SDK2: variants seen among roughly 807,000 people sequenced by gnomAD.
The protein encoded by SDK2 is sidekick cell adhesion molecule 2.
In SDK2, 105 loss-of-function variants were observed where a neutral mutation model predicts 253.9. The ratio of observed to expected loss-of-function variants is 0.41; its 90% CI spans 0.35 to 0.49. The LOEUF is 0.49. Among genes scored for constraint, SDK2 ranks in the 20% least tolerant of loss-of-function variants. SDK2 has a pLI of 0.06. For synonymous variants in SDK2, 1,249 were observed against 1,234.9 expected, an observed-to-expected ratio of 1.01 and a Z score of -0.24; for missense variants, 2,608 against 3,003.0, an observed-to-expected ratio of 0.87 and a Z score of 3.07.
In SDK2 at chr17:73,616,065, ATAC is replaced by A. The variant is rs1179851281; in HGVS notation, c.64+27957_64+27959del. Among the ~76,000 whole-genome samples, 3 of 152,284 alleles carry A rather than the reference ATAC, an allele frequency of 2.0e-5. No homozygotes were observed. The highest frequency in any genetic ancestry group is 7.2e-5 in the African/African-American group (3 of 41,552). ...CATACACACACGTACACACACATACATACTTCTTCCCTCTGCATCTGAGCTTGA... is the reference window on the plus strand; with the variant it reads ...CATACACACACGTACACACACATACATTCTTCCCTCTGCATCTGAGCTTGA... On this transcript the variant is annotated intron_variant, in intron 1 of 44. Coordinates refer to ENST00000392650, the MANE Select transcript of SDK2 (RefSeq NM_001144952.2). The surrounding 1 kb of genome is among the most constrained non-coding windows in gnomAD (Gnocchi z 5.2).
chr17:73,409,833 G>GTC (rs1324601379), intron 18 of SDK2, among the ~76,000 whole-genome samples: 2 of 63,368 alleles, frequency 3.2e-5, no homozygotes, highest in East Asian at 1.0e-3. Context: ...CTCTCTCTCT[G>GTC]TGTCTGTCTG....
chr17:73,456,780 A>G (rs1770474012), intron 3 of SDK2, among the ~76,000 whole-genome samples: 1 of 152,202 alleles, frequency 6.6e-6, no homozygotes, highest in African/African-American at 2.4e-5. Flanking sequence ...CGCGGGTAGG[A>G]AACTCTTCAG....
chr17:73,378,580 C>T (rs1440040943), intron 36 of SDK2, among the ~76,000 whole-genome samples: 3 of 151,828 alleles, frequency 2.0e-5, no homozygotes, highest in Admixed American at 1.3e-4. Flanking sequence ...CCACCATGCC[C>T]GGCTAATTTT....
intron 1 of SDK2, among the ~76,000 whole-genome samples, chr17:73,579,280 G>A (rs2045500282): frequency 1.3e-5 from 2 of 152,134 alleles, no homozygotes; most frequent in Admixed American, 6.5e-5. Context: ...ATCCTACCAG[G>A]CTTTGGGAAT....
At chr17:73,397,744 T>C (rs1394802761) in intron 24 of SDK2, among the ~76,000 whole-genome samples, 2 of 152,198 alleles carry the variant, frequency 1.3e-5, no homozygotes, top group Non-Finnish European at 2.9e-5. Flanking sequence ...TAGCTGTAAA[T>C]TGGGATGATC....
At chr17:73,466,717 C>G (rs1567789234) in intron 3 of SDK2, among the ~76,000 whole-genome samples, 1 of 118,970 alleles carries the variant, frequency 8.4e-6, no homozygotes, top group East Asian at 2.1e-4. Flanking sequence ...TGGGGAACGC[C>G]CCCCCCCCCC....
At chr17:73,526,278 G>A (rs1303885550) in intron 1 of SDK2, among the ~76,000 whole-genome samples, 1 of 152,148 alleles carries the variant, frequency 6.6e-6, no homozygotes, top group Non-Finnish European at 1.5e-5. Context: ...TGGGGGAGAT[G>A]TGGCCGGCCA....
Position 73,386,373 on chromosome 17 carries a change from G to A in SDK2, c.4498+72C>T, listed in dbSNP as rs555902192. On this transcript the variant is annotated intron_variant, in intron 31 of 44. Transcript: ENST00000392650. ...CTCATCTTTGGAGGCCCCTCCCCCCGTAAGAAAATGCCCCATGCCCAGGAA... is the reference window on the plus strand; with the variant it reads ...CTCATCTTTGGAGGCCCCTCCCCCCATAAGAAAATGCCCCATGCCCAGGAA... 116 of 1,110,758 alleles carry A rather than the reference G, an allele frequency of 1.0e-4. 1 individual carries two copies. Among genetic ancestry groups the A allele is most frequent in the Middle Eastern group, 6.2e-4 (3 of 4,826 alleles). The allele number at this position is 1,110,758 out of a possible 1,614,324, so 68.8% of individuals were successfully genotyped here. A position where few individuals can be genotyped will look rare whatever the true frequency, so the allele number is the denominator to read the frequency against.
intron 3 of SDK2, among the ~76,000 whole-genome samples, chr17:73,463,799 T>C (rs2145678624): frequency 6.6e-6 from 1 of 152,340 alleles, no homozygotes; most frequent in South Asian, 2.1e-4. Flanking sequence ...GGATCACGCT[T>C]CATTTGTTTT....
Position 73,393,729 on chromosome 17 carries a change from G to GTCC in SDK2, c.3726_3728dup (p.Lys1242_Asp1243insGlu). ...GCCAGAATCGGGGCTGGGTGTCCGA[G>GTCC]TCCTTCTCCTTATACATCACCTGTC... On this transcript the variant is annotated inframe_insertion, in exon 27 of 45. Transcript: ENST00000392650. 6.3e-7 allele frequency: 1 copy of GTCC among 1,582,866 alleles called. No homozygotes were observed. Among genetic ancestry groups the GTCC allele is most frequent in the Non-Finnish European group, 8.6e-7 (1 of 1,157,418 alleles).
chr17:73,525,182 GT>G (rs1316511092), intron 1 of SDK2, among the ~76,000 whole-genome samples: 7 of 152,190 alleles, frequency 4.6e-5, no homozygotes, highest in Non-Finnish European at 8.8e-5. Context: ...CATGGGTCTT[GT>G]CCCCAGCTGT....
rs2063364639 is a variant in SDK2, at chr17:73,435,914, C to T, written c.1001-270G>A. ...GATTGGACAAACTAATTTATTTATTCTATTTTTTATTTCTATTTGTGTAGA... is the reference window on the plus strand; with the variant it reads ...GATTGGACAAACTAATTTATTTATTTTATTTTTTATTTCTATTTGTGTAGA... On this transcript the variant is annotated intron_variant, in intron 8 of 44. Coordinates refer to ENST00000392650, the MANE Select transcript of SDK2 (RefSeq NM_001144952.2). The surrounding 1 kb of genome is among the most constrained non-coding windows in gnomAD (Gnocchi z 5.7). Among the ~76,000 whole-genome samples the T allele has an allele frequency of 6.6e-6, 1 of 152,258 alleles. No individual in the cohort carries two copies. The highest frequency in any genetic ancestry group is 1.5e-5 in the Non-Finnish European group (1 of 68,010).
intron 2 of SDK2, among the ~76,000 whole-genome samples, chr17:73,500,272 C>T (rs1479755586): frequency 6.9e-6 from 1 of 144,850 alleles, no homozygotes; most frequent in African/African-American, 2.6e-5. Context: ...CCATCTCCTC[C>T]ATCCTTCTCC....
rs2062506703 is a variant in SDK2, at chr17:73,348,637, T to G, written c.6127A>C (p.Ser2043Arg). 4.3e-6 allele frequency: 7 copies of G among 1,613,192 alleles called. No individual in the cohort carries two copies. The highest frequency in any genetic ancestry group is 1.6e-4 in the Middle Eastern group (1 of 6,062). ...YNDLIPAESS[S>R]LTEKPSEISD... ...ATTTCTGAGGGCTTCTCCGTCAGGC[T>G]GCTGCTCTCTGCAGGGATGAGGTCG... Residue 2043 changes from serine to arginine, a missense_variant, in exon 44 of 45, where the codon AGC becomes CGC. Around this residue, in one of 2 missense-constraint regions of SDK2, gnomAD observed 1,103 missense variants for 1,143.9 expected, o/e 0.96. Transcript: ENST00000392650.
chr17:73,644,176 A>G lies in SDK2; in HGVS notation c.-88T>C, dbSNP rs901914780. 2.0e-5 allele frequency: 23 copies of G among 1,129,652 alleles called. No individual in the cohort carries two copies. In the Middle Eastern group the frequency reaches 6.1e-4, roughly 30 times the overall value. 70.0% of individuals were successfully genotyped at this position (1,129,652 alleles called of 1,614,324 possible). A position where few individuals can be genotyped will look rare whatever the true frequency, so the allele number is the denominator to read the frequency against. ...GGTGGGGTCCGATACCCCGTGGCTT[A>G]GTCCCAGGAAACAGTCAGTCTACGC... On this transcript the variant is annotated 5_prime_UTR_variant, in exon 1 of 45. Transcript: ENST00000392650. This position sits in a 1 kb window ranked among gnomAD's most constrained non-coding sequence, Gnocchi z 6.3.
intron 10 of SDK2, among the ~76,000 whole-genome samples, chr17:73,432,454 G>T (rs534013340): frequency 1.5e-3 from 235 of 152,194 alleles, no homozygotes; most frequent in African/African-American, 5.3e-3. Flanking sequence ...CTGGGTGGAT[G>T]TGTTTATTTC....
At chr17:73,512,651 GC>G (rs2063990584) in intron 1 of SDK2, among the ~76,000 whole-genome samples, 1 of 151,920 alleles carries the variant, frequency 6.6e-6, no homozygotes, top group Non-Finnish European at 1.5e-5. Flanking sequence ...TGAAAGAATA[GC>G]CAAACAAATT....
intron 27 of SDK2, among the ~76,000 whole-genome samples, chr17:73,392,481 C>A (rs1383709303): frequency 6.6e-6 from 1 of 152,026 alleles, no homozygotes; most frequent in Non-Finnish European, 1.5e-5. Context: ...GTTGGCCAGG[C>A]TGGTCTTGAA....
intron 1 of SDK2, among the ~76,000 whole-genome samples, chr17:73,614,521 A>G (rs1309588245): frequency 7.0e-6 from 1 of 143,844 alleles, no homozygotes; most frequent in African/African-American, 2.6e-5. Context: ...TGTTGGGTAC[A>G]CAGCGACACA....
Sources: allele counts gnomAD v4.1 joint callset (sites outside exome capture counted in the v4.1 genomes callset), GRCh38; gene constraint gnomAD v4.1.1; regional missense constraint gnomAD v4.1.1; non-coding constraint Gnocchi (gnomAD v3.1); transcripts MANE v1.5; gene names NCBI Gene and HGNC (gene_info 2026-07-23, HGNC 2026-07-21).